The following CD247 variants were observed in gnomAD, a reference collection of about 807,000 sequenced individuals.
The protein encoded by CD247 is T-cell surface glycoprotein CD3 zeta chain.
In CD247, 13 loss-of-function variants were observed where a neutral mutation model predicts 30.0. That is an observed-to-expected ratio of 0.43 (90% CI 0.28 to 0.69). The LOEUF is 0.69. Ranked by LOEUF, CD247 falls within the 30% of genes least tolerant of loss-of-function variation. CD247 has a pLI of 0.16. For missense variants in CD247, 193 were observed against 212.6 expected (o/e 0.91, Z 0.57); for synonymous variants, 72 against 80.0 (o/e 0.90, Z 0.53).
chr1:167,479,649 T>C (rs1653890209), intron 1 of CD247, among the ~76,000 whole-genome samples: 1 of 152,146 alleles, frequency 6.6e-6, no homozygotes, highest in Non-Finnish European at 1.5e-5. Flanking sequence ...GTCACCTCAC[T>C]TTCCACCTGT....
chr1:167,484,702 G>A (rs1278148737), intron 1 of CD247, among the ~76,000 whole-genome samples: 2 of 152,202 alleles, frequency 1.3e-5, no homozygotes, highest in African/African-American at 2.4e-5. Flanking sequence ...ACTTGAACCC[G>A]GGAGGCAGAG....
intron 1 of CD247, among the ~76,000 whole-genome samples, chr1:167,515,954 T>G (rs1011708006): frequency 6.6e-6 from 1 of 152,202 alleles, no homozygotes; most frequent in Non-Finnish European, 1.5e-5. Flanking sequence ...GCAAAGAAGG[T>G]ATTACAAGTC....
chr1:167,447,834 A>G (rs1215294994), intron 1 of CD247, among the ~76,000 whole-genome samples: 1 of 152,108 alleles, frequency 6.6e-6, no homozygotes, highest in Middle Eastern at 3.4e-3. Context: ...TGAGTCCCCA[A>G]CTTTGAGCCC....
At chr1:167,517,851 C>G (rs1287141009) in intron 1 of CD247, among the ~76,000 whole-genome samples, 1 of 152,206 alleles carries the variant, frequency 6.6e-6, no homozygotes, top group Non-Finnish European at 1.5e-5. Flanking sequence ...CCGGTGCTTC[C>G]TGCCTGTGCC....
intron 1 of CD247, among the ~76,000 whole-genome samples, chr1:167,498,269 T>C (rs1408944205): frequency 1.3e-5 from 2 of 152,216 alleles, no homozygotes; most frequent in Non-Finnish European, 2.9e-5. Flanking sequence ...AAACCAACAA[T>C]GCCTTGACAT....
At chr1:167,455,219 TTA>T (rs1304908958) in intron 1 of CD247, among the ~76,000 whole-genome samples, 4 of 152,208 alleles carry the variant, frequency 2.6e-5, no homozygotes, top group Non-Finnish European at 5.9e-5. Flanking sequence ...CGCTGGGATT[TTA>T]AAGAGACGAG....
intron 1 of CD247, among the ~76,000 whole-genome samples, chr1:167,496,548 C>T (rs1358256443): frequency 1.3e-5 from 2 of 152,138 alleles, no homozygotes; most frequent in South Asian, 2.1e-4. Context: ...ATCTCCATCC[C>T]GTGGAGAGTC....
intron 2 of CD247, 110 bp downstream of exon 2, chr1:167,440,554 C>A: frequency 1.3e-6 from 1 of 743,242 alleles, no homozygotes; most frequent in Admixed American, 2.0e-5. Flanking sequence ...CTCCTGGATA[C>A]CAAGCCCCAG....
chr1:167,441,240 A>G (rs1651808195), intron 1 of CD247, among the ~76,000 whole-genome samples: 1 of 152,186 alleles, frequency 6.6e-6, no homozygotes, highest in African/African-American at 2.4e-5. Context: ...GATCATTTCA[A>G]TATCTGACAG....
chr1:167,500,619 A>C (rs1281213249), intron 1 of CD247, among the ~76,000 whole-genome samples: 1 of 152,210 alleles, frequency 6.6e-6, no homozygotes, highest in African/African-American at 2.4e-5. Context: ...TATGCAGGGC[A>C]GAATTATTTT....
chr1:167,517,665 G>T (rs1409935200), intron 1 of CD247, among the ~76,000 whole-genome samples: 5 of 152,320 alleles, frequency 3.3e-5, no homozygotes, highest in East Asian at 1.9e-4. Flanking sequence ...GTCAATGCCG[G>T]GCCCTCTGGC....
chr1:167,439,494 A>G, intron 2 of CD247, 94 bp from the exon 3 acceptor site: 1 of 1,097,878 alleles, frequency 9.1e-7, no homozygotes, highest in East Asian at 2.4e-5. Flanking sequence ...GGACAGCCCT[A>G]CTCCGCTCCT....
At position 167,433,147 on chromosome 1, in the gene CD247, C is replaced by T. The variant is rs1326670279; in HGVS notation, c.394-88G>A. The T allele has an allele frequency of 6.6e-6, 9 of 1,353,944 alleles. No homozygotes were observed. In the African/African-American group the frequency reaches 1.1e-4, roughly 17 times the overall value. The allele number at this position is 1,353,944 out of a possible 1,614,324, so 83.9% of individuals were successfully genotyped here. ...CTGCTCAAGGGCCCCTCCCAAGGTA[C>T]CCAGGAAGTCAGAGGTAACTGTCTC... On this transcript the variant is annotated intron_variant, in intron 6 of 7. Transcript: ENST00000362089.
intron 1 of CD247, among the ~76,000 whole-genome samples, chr1:167,473,736 T>C (rs1653630630): frequency 6.6e-6 from 1 of 152,222 alleles, no homozygotes. Flanking sequence ...TAAGCATTCC[T>C]GACTGGAGAC....
In CD247 at chr1:167,438,593, C is replaced by G. The variant is rs770320255; in HGVS notation, c.277G>C (p.Asp93His). The G allele has an allele frequency of 5.0e-6, 8 of 1,614,066 alleles. No homozygotes were observed. Among genetic ancestry groups the G allele is most frequent in the Non-Finnish European group, 6.8e-6 (8 of 1,179,934 alleles). Reference sequence around the variant, plus strand: ...ACCGGCTTTCCCCCCATCTCAGGGTCCCGGCCACGTCTCTTGTCCAAAACA... The same window carrying G: ...ACCGGCTTTCCCCCCATCTCAGGGTGCCGGCCACGTCTCTTGTCCAAAACA... ...YDVLDKRRGR[D>H]PEMGGKPQRR... Residue 93 changes from aspartate to histidine, a missense_variant, in exon 4 of 8, where the codon GAC (aspartate) becomes CAC (histidine). Coordinates refer to ENST00000362089, the MANE Select transcript of CD247 (RefSeq NM_198053.3).
At chr1:167,482,204 G>C (rs1057117242) in intron 1 of CD247, among the ~76,000 whole-genome samples, 1 of 152,140 alleles carries the variant, frequency 6.6e-6, no homozygotes, top group African/African-American at 2.4e-5. Context: ...TGGAGACAAC[G>C]CCATCCCTGG....
intron 4 of CD247, among the ~76,000 whole-genome samples, chr1:167,435,783 C>T (rs1418374084): frequency 6.6e-6 from 1 of 152,256 alleles, no homozygotes; most frequent in African/African-American, 2.4e-5. Context: ...TCATTTGGAG[C>T]AGGGCCAGCC....
intron 1 of CD247, among the ~76,000 whole-genome samples, chr1:167,495,070 C>T (rs1417456498): frequency 6.6e-6 from 1 of 152,234 alleles, no homozygotes; most frequent in Non-Finnish European, 1.5e-5. Context: ...GATACCATCA[C>T]TTCTCATGCT....
intron 1 of CD247, among the ~76,000 whole-genome samples, chr1:167,487,705 G>A (rs980307916): frequency 6.6e-6 from 1 of 152,230 alleles, no homozygotes; most frequent in East Asian, 1.9e-4. Context: ...CTAGCAGTGA[G>A]AAGTGTGGGT....
Sources: allele counts gnomAD v4.1 joint callset (sites outside exome capture counted in the v4.1 genomes callset), GRCh38; gene constraint gnomAD v4.1.1; transcripts MANE v1.5; gene names NCBI Gene and HGNC (gene_info 2026-07-23, HGNC 2026-07-21).